STK38: variants seen among roughly 807,000 people sequenced by gnomAD.
STK38 encodes serine/threonine-protein kinase 38.
STK38 carries 26 observed loss-of-function variants against 59.0 expected under a neutral mutation model. That is an observed-to-expected ratio of 0.44 (90% CI 0.32 to 0.61). The LOEUF is 0.61. Ranked by LOEUF, STK38 falls within the 20% of genes least tolerant of loss-of-function variation. The pLI is 0.04. For synonymous variants in STK38, 175 were observed against 176.6 expected, an observed-to-expected ratio of 0.99 and a Z score of 0.07; for missense variants, 433 against 566.0, an observed-to-expected ratio of 0.76 and a Z score of 2.38.
At chr6:36,499,204 A>T (rs1255264711) in intron 10 of STK38, among the ~76,000 whole-genome samples, 3 of 152,212 alleles carry the variant, frequency 2.0e-5, no homozygotes, top group Admixed American at 2.0e-4. Flanking sequence ...TAACTTGAAT[A>T]AGAAAAAAGC....
At chr6:36,502,513 T>C (rs1183300749) in intron 9 of STK38, among the ~76,000 whole-genome samples, 1 of 152,242 alleles carries the variant, frequency 6.6e-6, no homozygotes, top group Non-Finnish European at 1.5e-5. Context: ...ATTTGTATAC[T>C]GCAAGTATCT....
At chr6:36,499,581 G>A (rs913207005) in intron 10 of STK38, among the ~76,000 whole-genome samples, 1 of 152,112 alleles carries the variant, frequency 6.6e-6, no homozygotes, top group South Asian at 2.1e-4. Flanking sequence ...TGCATACAAC[G>A]GATATTTAAT....
rs777033679 is a variant in STK38, at chr6:36,496,717, G to A, written c.1261C>T (p.Pro421Ser). 6 of 1,611,410 alleles carry A rather than the reference G, an allele frequency of 3.7e-6. No individual in the cohort carries two copies. Among genetic ancestry groups the A allele is most frequent in the Non-Finnish European group, 5.1e-6 (6 of 1,178,106 alleles). The change falls in exon 13 of 14, where the codon CCA (proline) becomes TCA (serine). Residue 421 changes from proline to serine, a missense_variant. Coordinates refer to ENST00000229812, the MANE Select transcript of STK38 (RefSeq NM_007271.4). The stretch of plus-strand genomic sequence containing the variant: ...ACAATGCTGGTGGTGTTACCTGTTG[G>A]CTTAAGAATATCAGATTCTGGAAAC... ...DEFPESDILK[P>S]TVATSNHPET...
chr6:36,538,231 G>A (rs1777845137), intron 2 of STK38, among the ~76,000 whole-genome samples: 1 of 151,860 alleles, frequency 6.6e-6, no homozygotes, highest in Non-Finnish European at 1.5e-5. Context: ...GTGAACCTGG[G>A]AGGCGGAGCT....
chr6:36,499,946 C>T lies in STK38; in HGVS notation c.879G>A (p.Val293=), dbSNP rs1334106720. 2.5e-6 allele frequency: 4 copies of T among 1,614,000 alleles called. No homozygotes were observed. Among genetic ancestry groups the T allele is most frequent in the Non-Finnish European group, 3.4e-6 (4 of 1,179,996 alleles). The change falls in exon 10 of 14, where the codon GTG becomes GTA. Residue 293 remains valine (V), a synonymous_variant. Coordinates refer to ENST00000229812, the MANE Select transcript of STK38 (RefSeq NM_007271.4). ...GCTTGTTGTACCCGGTCTGCATGAA[C>T]ACCTCAGGAGCAATGTAGTCAGGAG... The part of the protein sequence containing the change: ...VGTPDYIAPE[V]FMQTGYNKLC...
rs1451459745 is a variant in STK38, at chr6:36,547,315, G to A, written c.-131C>T. The A allele has an allele frequency of 1.3e-5, 2 of 152,704 alleles. No homozygotes were observed. The highest frequency in any genetic ancestry group is 6.5e-5 in the Admixed American group (1 of 15,298). The allele number at this position is 152,704 out of a possible 1,614,324, so 9.5% of individuals were successfully genotyped here. On this transcript the variant is annotated 5_prime_UTR_variant, in exon 1 of 14. Transcript: ENST00000229812. The stretch of plus-strand genomic sequence containing the variant: ...AGCCAACGAGCCAAAGACGGGAGGG[G>A]ACGCGTGAGGGACTCTGAGACAGGG...
chr6:36,538,891 C>CAAAAAA (rs1214217676), intron 2 of STK38, among the ~76,000 whole-genome samples: 2 of 54,140 alleles, frequency 3.7e-5, no homozygotes, highest in Non-Finnish European at 7.0e-5. Flanking sequence ...GACTCTGTCT[C>CAAAAAA]AAAAAAAAAA....
At chr6:36,544,630 T>C (rs958734956) in intron 1 of STK38, among the ~76,000 whole-genome samples, 1 of 152,210 alleles carries the variant, frequency 6.6e-6, no homozygotes, top group Non-Finnish European at 1.5e-5. Flanking sequence ...ACCCCTGTAA[T>C]CTCAGCACTT....
Position 36,502,832 on chromosome 6 carries a change from G to A in STK38, c.835-2842C>T, listed in dbSNP as rs76250283. 7.9e-5 allele frequency among the ~76,000 whole-genome samples: 12 copies of A among 152,124 alleles called. 1 individual carries two copies. The East Asian group carries it at 1.2e-3, about 15-fold the overall frequency. On this transcript the variant is annotated intron_variant, in intron 9 of 13. Transcript: ENST00000229812. ...ATCTATCTCTCTAAATGAGATCTTA[G>A]TTTTATTTTTGAGCTTTATTAAAAT...
Position 36,523,714 on chromosome 6 carries a change from G to T in STK38, c.306+627C>A, listed in dbSNP as rs116581085. Among the ~76,000 whole-genome samples the T allele has an allele frequency of 6.6e-3, 1,001 of 152,306 alleles. 10 individuals carry two copies. Among genetic ancestry groups the T allele is most frequent in the African/African-American group, 0.021 (882 of 41,562 alleles). ...ACAGATTGCTCTTGTGCCCAAGCAG[G>T]ATCATTTCCAAGAATTGCGGGGACA... On this transcript the variant is annotated intron_variant, in intron 4 of 13. Transcript: ENST00000229812.
chr6:36,545,276 G>A (rs1395889618), intron 1 of STK38, among the ~76,000 whole-genome samples: 1 of 127,160 alleles, frequency 7.9e-6, no homozygotes, highest in Non-Finnish European at 1.6e-5. Flanking sequence ...CTGGGTGAGT[G>A]AGACTCCGTC....
intron 7 of STK38, among the ~76,000 whole-genome samples, chr6:36,514,543 T>C (rs1294803675): frequency 6.6e-6 from 1 of 152,112 alleles, no homozygotes; most frequent in African/African-American, 2.4e-5. Flanking sequence ...ATAAGAACAG[T>C]GAGATCCAGG....
chr6:36,544,380 G>A (rs1287174281), intron 1 of STK38, among the ~76,000 whole-genome samples: 1 of 151,860 alleles, frequency 6.6e-6, no homozygotes, highest in Non-Finnish European at 1.5e-5. Flanking sequence ...TGAAGCTTGG[G>A]TGTGGTTCCT....
rs139784723 is a variant in STK38 at position 36,499,677 on chromosome 6, T to C, written c.952+196A>G. Among the ~76,000 whole-genome samples, 428 of 152,264 alleles carry C rather than the reference T, an allele frequency of 2.8e-3. 1 individual carries two copies. Among genetic ancestry groups the C allele is most frequent in the Non-Finnish European group, 4.6e-3 (310 of 68,010 alleles). ...ACATAAAAAATGATCAGCAAAGCAA[T>C]TGCAGGATGCCAGTAAGCCCAAGAA... On this transcript the variant is annotated intron_variant, in intron 10 of 13. Coordinates refer to ENST00000229812, the MANE Select transcript of STK38 (RefSeq NM_007271.4).
At position 36,507,482 on chromosome 6, in the gene STK38, G is replaced by A. The variant is rs760427205; in HGVS notation, c.772+18C>T. The A allele has an allele frequency of 3.1e-6, 5 of 1,606,724 alleles. No individual in the cohort carries two copies. The Middle Eastern group carries it at 5.0e-4, about 159-fold the overall frequency. ...GCCCAGTTAGAACGAAAAGGCTAAC[G>A]TAATTGTTACCACTTACTGAAATCA... On this transcript the variant is annotated intron_variant, in intron 8 of 13. Coordinates refer to ENST00000229812, the MANE Select transcript of STK38 (RefSeq NM_007271.4).
chr6:36,521,854 C>A, intron 4 of STK38, 37 bp from the exon 5 acceptor site: 1 of 1,543,774 alleles, frequency 6.5e-7, no homozygotes, highest in Admixed American at 1.7e-5. Flanking sequence ...GTCAAAAACT[C>A]GTACTACCAA....
At chr6:36,515,945 A>T (rs1425974600) in intron 6 of STK38, among the ~76,000 whole-genome samples, 1 of 152,178 alleles carries the variant, frequency 6.6e-6, no homozygotes, top group Non-Finnish European at 1.5e-5. Context: ...AAATGTAAAC[A>T]CTCGGGCAGG....
chr6:36,500,949 C>A (rs1311806061), intron 9 of STK38, among the ~76,000 whole-genome samples: 1 of 151,276 alleles, frequency 6.6e-6, no homozygotes, highest in Non-Finnish European at 1.5e-5. Flanking sequence ...GTATATAGTT[C>A]TTGGAGGAAT....
At chr6:36,513,974 T>C (rs1014113855) in intron 7 of STK38, among the ~76,000 whole-genome samples, 4 of 148,596 alleles carry the variant, frequency 2.7e-5, no homozygotes, top group South Asian at 2.1e-4. Flanking sequence ...GCTAACACCG[T>C]GAAACCCCGT....
Sources: gnomAD v4.1 joint callset for allele counts (sites outside exome capture counted in the v4.1 genomes callset) on GRCh38, gnomAD v4.1.1 for gene constraint, MANE v1.5 for transcripts, NCBI Gene and HGNC (gene_info 2026-07-23, HGNC 2026-07-21) for gene names.